TBX6: variants seen among roughly 807,000 people sequenced by gnomAD.
TBX6 encodes T-box transcription factor 6, also known as T-box transcription factor TBX6.
Under a neutral mutation model 42.3 loss-of-function variants are expected in TBX6, and 29 were observed. The observed-to-expected ratio is 0.69, with a 90% CI of 0.51 to 0.93. TBX6 has a LOEUF of 0.93. TBX6 is among the 40% of genes least tolerant of loss of function. The probability of loss-of-function intolerance (pLI) is 0.00; values close to 1 mark genes in which losing one functional copy is unlikely to be tolerated. For synonymous variants in TBX6, 249 were observed against 245.1 expected (o/e 1.02, Z -0.15); for missense variants, 569 against 603.3 (o/e 0.94, Z 0.59).
intron 3 of TBX6, 50 bp downstream of exon 3, chr16:30,090,708 C>T (rs1233639188): frequency 6.4e-7 from 1 of 1,573,968 alleles, no homozygotes; most frequent in African/African-American, 1.3e-5. Context: ...GGGACTCTGC[C>T]TTTCCCAAGA....
chr16:30,090,938 C>T lies in TBX6; in HGVS notation c.173G>A (p.Arg58His), dbSNP rs866891037. The T allele has an allele frequency of 6.2e-7, 1 of 1,612,708 alleles. No homozygotes were observed. Among genetic ancestry groups the T allele is most frequent in the Non-Finnish European group, 8.5e-7 (1 of 1,179,684 alleles). Residue 58 changes from arginine to histidine, a missense_variant, in exon 3 of 9, where the codon CGC becomes CAC. This residue lies in a region of TBX6 where 134 missense variants were observed against 125.3 expected (regional missense o/e 1.07). Transcript: ENST00000395224. Reference protein sequence around the residue: ...CFLSGMEAAPRTLAAHPPLPL... With the variant: ...CFLSGMEAAPHTLAAHPPLPL... ...CAGAGGTGGGTGCGCGGCCAGGGTGCGGGGAGCAGCCTCCATCCCGGAGAG... is the reference window on the plus strand; with the variant it reads ...CAGAGGTGGGTGCGCGGCCAGGGTGTGGGGAGCAGCCTCCATCCCGGAGAG...
chr16:30,089,095 G>T lies in TBX6; in HGVS notation c.469C>A (p.Arg157Ser). ...TCTGCCTTGCCGCTGGGCTCCCAGC[G>T]CCGGCCCTGCCAGCGGTAGCGAGCC... ...DGARYRWQGR[R>S]WEPSGKAEPR... is the part of the protein sequence containing the mutation. The change falls in exon 4 of 9, where the codon CGC (arginine) becomes AGC (serine). Residue 157 changes from arginine to serine, a missense_variant. Coordinates refer to ENST00000395224, the MANE Select transcript of TBX6 (RefSeq NM_004608.4). 1 of 1,613,844 alleles carries T rather than the reference G, an allele frequency of 6.2e-7. No homozygotes were observed. The highest frequency in any genetic ancestry group is 8.5e-7 in the Non-Finnish European group (1 of 1,179,990).
At position 30,086,698 on chromosome 16, in the gene TBX6, G is replaced by C. The variant is rs1278818060; in HGVS notation, c.914-3C>G. ...GTCGCAGGGACCACCTGGTGTGTCT[G>C]GGGAGAGGGAAGGGAGAGGTTGGGC... is the stretch of plus-strand genomic sequence containing the variant. On this transcript the variant is annotated splice_polypyrimidine_tract_variant and splice_region_variant and intron_variant, in intron 7 of 8. Transcript: ENST00000395224. The surrounding 1 kb of genome is among the most constrained non-coding windows in gnomAD (Gnocchi z 4.6). 9 of 1,612,642 alleles carry C rather than the reference G, an allele frequency of 5.6e-6. No individual in the cohort carries two copies. Among genetic ancestry groups the C allele is most frequent in the Middle Eastern group, 1.7e-4 (1 of 6,018 alleles).
intron 3 of TBX6, among the ~76,000 whole-genome samples, chr16:30,089,458 A>AC (rs937244870): frequency 6.6e-5 from 10 of 151,926 alleles, no homozygotes; most frequent in African/African-American, 2.2e-4. Context: ...ACATAGAAAG[A>AC]CCCCATCTCT....
In TBX6 at chr16:30,086,404, G is replaced by A. The variant is rs752011765; in HGVS notation, c.1132C>T (p.Arg378Cys). The A allele has an allele frequency of 3.2e-5, 50 of 1,549,404 alleles. No homozygotes were observed. The highest frequency in any genetic ancestry group is 8.4e-5 in the African/African-American group (6 of 71,676). Residue 378 changes from arginine (R) to cysteine (C), a missense_variant, in exon 9 of 9, where the codon CGC becomes TGC. Physicochemically the swap from Arg to Cys is radical, Grantham distance 180. Transcript: ENST00000395224. The surrounding 1 kb of genome is among the most constrained non-coding windows in gnomAD (Gnocchi z 4.6). Reference sequence around the variant, plus strand: ...AATGCAGCCGAGTAGGGGGCTGAGCGCCCGGAGTCTGGAGCCTCCGGGAAG... The same window carrying A: ...AATGCAGCCGAGTAGGGGGCTGAGCACCCGGAGTCTGGAGCCTCCGGGAAG... Reference protein sequence around the residue: ...PSFPEAPDSGRSAPYSAAFLE... With the variant: ...PSFPEAPDSGCSAPYSAAFLE...
Position 30,086,286 on chromosome 16 carries a change from A to T in TBX6, c.1250T>A (p.Phe417Tyr), listed in dbSNP as rs780611900. Residue 417 changes from phenylalanine (F) to tyrosine (Y), a missense_variant, in exon 9 of 9, where the codon TTC (phenylalanine) becomes TAC (tyrosine). Around this residue, in one of 3 missense-constraint regions of TBX6, gnomAD observed 245 missense variants for 227.4 expected, o/e 1.08. Transcript: ENST00000395224. The surrounding 1 kb of genome is among the most constrained non-coding windows in gnomAD (Gnocchi z 4.6). Reference protein sequence around the residue: ...FAPHFLQGGPFPLPYTAPGGY... With the variant: ...FAPHFLQGGPYPLPYTAPGGY... ...CCCAGGCGCGGTGTATGGTAGAGGG[A>T]AGGGGCCCCCTTGGAGAAAGTGCGG... 3 of 1,611,844 alleles carry T rather than the reference A, an allele frequency of 1.9e-6. No homozygotes were observed. Among genetic ancestry groups the T allele is most frequent in the Admixed American group, 3.3e-5 (2 of 59,708 alleles).
intron 3 of TBX6, 90 bp from the exon 4 acceptor site, chr16:30,089,300 C>T: frequency 6.7e-7 from 1 of 1,494,356 alleles, no homozygotes; most frequent in African/African-American, 1.4e-5. Context: ...CAACGGGCTC[C>T]CCAGAGCTGT....
rs759654757 is a variant in TBX6 at position 30,090,965 on chromosome 16, A to G, written c.146T>C (p.Phe49Ser). 1 of 1,613,366 alleles carries G rather than the reference A, an allele frequency of 6.2e-7. No individual in the cohort carries two copies. Among genetic ancestry groups the G allele is most frequent in the African/African-American group, 1.3e-5 (1 of 74,898 alleles). ...GGGAGCAGCCTCCATCCCGGAGAGGAAGCAATCCAGTTTAGGGGTGTCCAG... is the reference window on the plus strand; with the variant it reads ...GGGAGCAGCCTCCATCCCGGAGAGGGAGCAATCCAGTTTAGGGGTGTCCAG... ...PELDTPKLDC[F>S]LSGMEAAPRT... Residue 49 changes from phenylalanine (F) to serine (S), a missense_variant, in exon 3 of 9, where the codon TTC becomes TCC. Physicochemically the swap from Phe to Ser is radical, Grantham distance 155 (BLOSUM62 -2). Transcript: ENST00000395224.
chr16:30,087,284 C>T (rs1310771132), intron 6 of TBX6, among the ~76,000 whole-genome samples: 2 of 152,092 alleles, frequency 1.3e-5, no homozygotes, highest in East Asian at 1.9e-4. Context: ...AGTGCAGTGG[C>T]ACAGTCACAG....
chr16:30,089,329 G>C (rs2072689176), intron 3 of TBX6, 119 bp from the exon 4 acceptor site: 1 of 1,340,112 alleles, frequency 7.5e-7, no homozygotes, highest in African/African-American at 1.5e-5. Flanking sequence ...CATCAAAGGA[G>C]GTGGAATTAG....
rs2072618071 is a variant in TBX6 at position 30,085,896 on chromosome 16, TTGAGCCCCTCC to T, written c.*318_*328del. The T allele has an allele frequency of 5.7e-6, 2 of 351,642 alleles. No homozygotes were observed. Among genetic ancestry groups the T allele is most frequent in the East Asian group, 8.5e-5 (1 of 11,736 alleles). 21.8% of individuals were successfully genotyped at this position (351,642 alleles called of 1,614,324 possible). A position where few individuals can be genotyped will look rare whatever the true frequency, so the allele number is the denominator to read the frequency against. ...ACCAGTGTGTGTGGGGGGGTGGGGA[TTGAGCCCCTCC>T]AGAGCCCATGGGGAGGCCTGGTAAG... On this transcript the variant is annotated 3_prime_UTR_variant, in exon 9 of 9. Coordinates refer to ENST00000395224, the MANE Select transcript of TBX6 (RefSeq NM_004608.4).
intron 6 of TBX6, among the ~76,000 whole-genome samples, chr16:30,087,412 G>T (rs986452289): frequency 2.0e-5 from 3 of 151,994 alleles, no homozygotes; most frequent in Non-Finnish European, 2.9e-5. Flanking sequence ...CACTGCAAGC[G>T]CAAGTTCCTC....
chr16:30,090,661 G>T, intron 3 of TBX6, 97 bp downstream of exon 3: 1 of 1,248,672 alleles, frequency 8.0e-7, no homozygotes, highest in Non-Finnish European at 1.1e-6. Context: ...CAGAGCTCTA[G>T]CCCCTCGGGA....
In TBX6 at chr16:30,086,675, C is replaced by G; in HGVS notation, c.934G>C (p.Asp312His). ...GSGDTPGGPC[D>H]STLGGDIRES... ...CGAATGTCTCCACCCAGGGTGGAGT[C>G]GCAGGGACCACCTGGTGTGTCTGGG... Residue 312 changes from aspartate (D) to histidine (H), a missense_variant, in exon 8 of 9, where the codon GAC becomes CAC. Transcript: ENST00000395224. The surrounding 1 kb of genome is among the most constrained non-coding windows in gnomAD (Gnocchi z 4.6). 1 of 1,611,376 alleles carries G rather than the reference C, an allele frequency of 6.2e-7. No individual in the cohort carries two copies. The highest frequency in any genetic ancestry group is 8.5e-7 in the Non-Finnish European group (1 of 1,178,950).
In TBX6 at chr16:30,086,167, AG is replaced by A; in HGVS notation, c.*57del. The A allele has an allele frequency of 1.9e-6, 3 of 1,546,316 alleles. No homozygotes were observed. The highest frequency in any genetic ancestry group is 2.0e-5 in the Admixed American group (1 of 50,924). ...GGGCCGGTGGAGGTGAGGGGGCTCCAGGGCTGGGGGAAGGGAGCGGGAGGTT... is the reference window on the plus strand; with the variant it reads ...GGGCCGGTGGAGGTGAGGGGGCTCCAGGCTGGGGGAAGGGAGCGGGAGGTT... On this transcript the variant is annotated 3_prime_UTR_variant, in exon 9 of 9. Transcript: ENST00000395224. This position sits in a 1 kb window ranked among gnomAD's most constrained non-coding sequence, Gnocchi z 4.6.
In TBX6 at chr16:30,086,651, G is replaced by T. The variant is rs772913246; in HGVS notation, c.958C>A (p.Arg320Ser). 2.5e-6 allele frequency: 4 copies of T among 1,608,936 alleles called. No individual in the cohort carries two copies. The highest frequency in any genetic ancestry group is 3.4e-6 in the Non-Finnish European group (4 of 1,178,166). ...GGGGCCTGTTCTGGATCTGATTCAC[G>T]AATGTCTCCACCCAGGGTGGAGTCG... ...PCDSTLGGDI[R>S]ESDPEQAPAP... is the part of the protein sequence containing the mutation. Residue 320 changes from arginine to serine, a missense_variant, in exon 8 of 9, where the codon CGT becomes AGT. Transcript: ENST00000395224. This position sits in a 1 kb window ranked among gnomAD's most constrained non-coding sequence, Gnocchi z 4.6.
intron 1 of TBX6, 195 bp from the exon 2 acceptor site, chr16:30,091,436 C>T (rs139628333): frequency 6.4e-6 from 3 of 467,252 alleles, no homozygotes; most frequent in East Asian, 3.6e-5. Context: ...CTTCATTAGC[C>T]TCGACCCCCT....
intron 6 of TBX6, among the ~76,000 whole-genome samples, chr16:30,087,206 C>T (rs896924794): frequency 3.9e-5 from 6 of 152,162 alleles, no homozygotes; most frequent in Non-Finnish European, 7.3e-5. Flanking sequence ...TCTTCACGGG[C>T]TGAACCTGTC....
chr16:30,090,144 A>G (rs2072699857), intron 3 of TBX6, among the ~76,000 whole-genome samples: 2 of 151,578 alleles, frequency 1.3e-5, no homozygotes, highest in Non-Finnish European at 2.9e-5. Context: ...TCCTGTCCCC[A>G]CCCTCCTCTC....
Sources: allele counts gnomAD v4.1 joint callset (sites outside exome capture counted in the v4.1 genomes callset), GRCh38; gene constraint gnomAD v4.1.1; regional missense constraint gnomAD v4.1.1; non-coding constraint Gnocchi (gnomAD v3.1); transcripts MANE v1.5; gene names NCBI Gene and HGNC (gene_info 2026-07-23, HGNC 2026-07-21).